The following CRB1 variants were observed in gnomAD, a reference collection of about 807,000 sequenced individuals.
CRB1 encodes the protein protein crumbs homolog 1.
A neutral mutation model predicts 120.0 loss-of-function variants in CRB1; 83 were observed. The observed-to-expected ratio is 0.69, with a 90% CI of 0.58 to 0.83. The LOEUF is 0.83. Ranked by LOEUF, CRB1 falls within the 40% of genes least tolerant of loss-of-function variation. The pLI is 0.00. For missense variants in CRB1, 1,699 were observed against 1,687.6 expected, an observed-to-expected ratio of 1.01 and a Z score of -0.12; for synonymous variants, 625 against 612.5, an observed-to-expected ratio of 1.02 and a Z score of -0.30.
At position 197,427,928 on chromosome 1, in the gene CRB1, C is replaced by T. The variant is rs1664680830; in HGVS notation, c.2603C>T (p.Pro868Leu). The T allele has an allele frequency of 2.5e-6, 4 of 1,613,974 alleles. No individual in the cohort carries two copies. Among genetic ancestry groups the T allele is most frequent in the African/African-American group, 1.3e-5 (1 of 75,036 alleles). ...CAAAATCTGGAATTCTTTCCAAATC[C>T]AACAAACAATGCATCTCTCAATCCA... ...NNQNLEFFPN[P>L]TNNASLNPVL... The change falls in exon 7 of 12, where the codon CCA (proline) becomes CTA (leucine). Residue 868 changes from proline to leucine, a missense_variant. Pro to Leu is a moderately conservative substitution (Grantham distance 98, BLOSUM62 -3). Transcript: ENST00000367400.
At chr1:197,407,905 A>G (rs1426737913) in intron 5 of CRB1, among the ~76,000 whole-genome samples, 1 of 152,208 alleles carries the variant, frequency 6.6e-6, no homozygotes, top group East Asian at 1.9e-4. Context: ...TGCATTGAAT[A>G]AAGACTAAAG....
rs372388520 is a variant in CRB1, at chr1:197,432,487, C to T, written c.2843-2219C>T. ...CTTGAATGATACACTGAAATTTTCT[C>T]CTGCTGTGGTTTCTAATCATTATCT... On this transcript the variant is annotated intron_variant, in intron 8 of 11. Coordinates refer to ENST00000367400, the MANE Select transcript of CRB1 (RefSeq NM_201253.3). Among the ~76,000 whole-genome samples, 11 of 151,916 alleles carry T rather than the reference C, an allele frequency of 7.2e-5. No individual in the cohort carries two copies. In the East Asian group the frequency reaches 2.1e-3, roughly 29 times the overall value.
chr1:197,325,461 A>T (rs1320905051), intron 1 of CRB1, among the ~76,000 whole-genome samples: 1 of 152,236 alleles, frequency 6.6e-6, no homozygotes, highest in East Asian at 1.9e-4. Flanking sequence ...TTTTGGAAAT[A>T]TCAAATTTTA....
upstream of CRB1, among the ~76,000 whole-genome samples, chr1:197,266,944 C>T (rs1442732133): frequency 6.6e-6 from 1 of 151,956 alleles, no homozygotes; most frequent in Non-Finnish European, 1.5e-5. Flanking sequence ...CAAGTTGGTT[C>T]AGTATGTAGA....
intron 1 of CRB1, among the ~76,000 whole-genome samples, chr1:197,310,169 A>C (rs1657429604): frequency 6.6e-6 from 1 of 152,220 alleles, no homozygotes. Flanking sequence ...TACATTATTG[A>C]AAACAAAGTA....
chr1:197,210,798 G>A, the CRB1 span, among the ~76,000 whole-genome samples: 11 of 152,192 alleles, frequency 7.2e-5, no homozygotes, highest in Admixed American at 2.0e-4. Context: ...CCATAAGAGA[G>A]AGTATAGTCT....
chr1:197,245,942 G>T, the CRB1 span, among the ~76,000 whole-genome samples: 1 of 152,084 alleles, frequency 6.6e-6, no homozygotes, highest in Admixed American at 6.6e-5. Flanking sequence ...CACAGTTGGG[G>T]TATATGTCCT....
chr1:197,309,048 T>G (rs1338909512), intron 1 of CRB1, among the ~76,000 whole-genome samples: 1 of 151,544 alleles, frequency 6.6e-6, no homozygotes, highest in African/African-American at 2.4e-5. Context: ...TATGTATATA[T>G]TTATGTTACA....
Position 197,357,027 on chromosome 1 carries a change from G to A in CRB1, c.1171+14G>A. 1 of 1,613,702 alleles carries A rather than the reference G, an allele frequency of 6.2e-7. No individual in the cohort carries two copies. Among genetic ancestry groups the A allele is most frequent in the African/African-American group, 1.3e-5 (1 of 75,050 alleles). ...CTGGATTCACAGGTGAGGCCAAGGA[G>A]ATGGGATATGACTTGACTTTCTGGT... On this transcript the variant is annotated intron_variant, in intron 5 of 11. Coordinates refer to ENST00000367400, the MANE Select transcript of CRB1 (RefSeq NM_201253.3).
intron 5 of CRB1, among the ~76,000 whole-genome samples, chr1:197,411,683 A>G (rs1460514638): frequency 6.6e-6 from 1 of 152,082 alleles, no homozygotes; most frequent in Non-Finnish European, 1.5e-5. Context: ...TATTAGCTAT[A>G]TAGACTCATT....
At chr1:197,285,209 G>T (rs1032905792) in intron 1 of CRB1, among the ~76,000 whole-genome samples, 1 of 151,890 alleles carries the variant, frequency 6.6e-6, no homozygotes, top group Non-Finnish European at 1.5e-5. Flanking sequence ...AGAGAAGTTT[G>T]TCCAAGAGCA....
At chr1:197,221,689 G>A in the CRB1 span, among the ~76,000 whole-genome samples, 2 of 151,982 alleles carry the variant, frequency 1.3e-5, no homozygotes, top group Non-Finnish European at 2.9e-5. Flanking sequence ...GTCATTAAGA[G>A]GACTTTAGTT....
intron 11 of CRB1, among the ~76,000 whole-genome samples, chr1:197,446,627 G>A (rs1208404710): frequency 1.3e-5 from 2 of 152,154 alleles, no homozygotes; most frequent in Non-Finnish European, 1.5e-5. Context: ...ATAGAGAATG[G>A]CTTAAAAGAA....
At chr1:197,354,322 C>T (rs1348312202) in intron 4 of CRB1, among the ~76,000 whole-genome samples, 1 of 152,188 alleles carries the variant, frequency 6.6e-6, no homozygotes, top group Admixed American at 6.5e-5. Flanking sequence ...AACGCTTACA[C>T]AGACAGCCAT....
chr1:197,247,351 G>A, the CRB1 span, among the ~76,000 whole-genome samples: 1 of 152,022 alleles, frequency 6.6e-6, no homozygotes, highest in Non-Finnish European at 1.5e-5. Flanking sequence ...AGCCAAGGTT[G>A]CAAGGTTGTC....
At chr1:197,353,604 T>C (rs1660233879) in intron 4 of CRB1, among the ~76,000 whole-genome samples, 1 of 151,982 alleles carries the variant, frequency 6.6e-6, no homozygotes, top group Non-Finnish European at 1.5e-5. Context: ...AGCTCGAGAC[T>C]AGACTGGCCA....
chr1:197,353,544 T>C (rs1433972082), intron 4 of CRB1, among the ~76,000 whole-genome samples: 1 of 152,220 alleles, frequency 6.6e-6, no homozygotes, highest in South Asian at 2.1e-4. Context: ...CTCACGCCTG[T>C]AATCCTAGCA....
chr1:197,328,465 T>C lies in CRB1; in HGVS notation c.114T>C (p.Ser38=), dbSNP rs2125303623. 6.2e-7 allele frequency: 1 copy of C among 1,614,250 alleles called. No individual in the cohort carries two copies. Among genetic ancestry groups the C allele is most frequent in the Non-Finnish European group, 8.5e-7 (1 of 1,180,036 alleles). Residue 38 remains serine (S), a synonymous_variant, in exon 2 of 12, where the codon TCT becomes TCC. Transcript: ENST00000367400. ...ACAACACCAGGTGCCTCTCAAATTC[T>C]TGCCAAAACAATTCTACATGCAAAG... ...NKNNTRCLSN[S]CQNNSTCKDF... is the part of the protein sequence containing the mutation.
the CRB1 span, among the ~76,000 whole-genome samples, chr1:197,230,408 C>T: frequency 1.3e-5 from 2 of 152,066 alleles, no homozygotes; most frequent in African/African-American, 4.8e-5. Flanking sequence ...TTTTAACCAC[C>T]TTTGATAAGT....
Sources: gnomAD v4.1 joint callset for allele counts (sites outside exome capture counted in the v4.1 genomes callset) on GRCh38, gnomAD v4.1.1 for gene constraint, MANE v1.5 for transcripts, NCBI Gene and HGNC (gene_info 2026-07-23, HGNC 2026-07-21) for gene names.